Variants in PPFIA2 observed in about 807,000 individuals in gnomAD.
PPFIA2 encodes the protein liprin-alpha-2.
PPFIA2 carries 46 observed loss-of-function variants against 175.5 expected under a neutral mutation model. The ratio of observed to expected loss-of-function variants is 0.26; its 90% CI spans 0.21 to 0.34. PPFIA2 has a LOEUF of 0.34. Among genes scored for constraint, PPFIA2 ranks in the 10% least tolerant of loss-of-function variants. The pLI, the probability that PPFIA2 is intolerant of heterozygous loss-of-function variation, is 1.00. For missense variants in PPFIA2, 1,179 were observed against 1,506.1 expected, an observed-to-expected ratio of 0.78 and a Z score of 3.60; for synonymous variants, 568 against 511.4, an observed-to-expected ratio of 1.11 and a Z score of -1.49.
intron 9 of PPFIA2, 80 bp downstream of exon 9, chr12:81,383,943 T>C: frequency 1.7e-6 from 2 of 1,154,008 alleles, no homozygotes; most frequent in Non-Finnish European, 2.5e-6. Flanking sequence ...AAGTGTATGG[T>C]CATTACGGGA....
intron 4 of PPFIA2, among the ~76,000 whole-genome samples, chr12:81,578,527 G>T (rs1307948685): frequency 6.6e-6 from 1 of 151,662 alleles, no homozygotes; most frequent in African/African-American, 2.4e-5. Context: ...CTTTTAATGA[G>T]TTTATTTTAT....
chr12:81,652,847 A>G (rs931096401), intron 4 of PPFIA2, among the ~76,000 whole-genome samples: 55 of 152,078 alleles, frequency 3.6e-4, no homozygotes, highest in Non-Finnish European at 1.3e-4. Flanking sequence ...ACTAAAGAAC[A>G]TTGCCCTTTT....
chr12:81,603,173 C>T (rs2059959793), intron 4 of PPFIA2, among the ~76,000 whole-genome samples: 1 of 151,828 alleles, frequency 6.6e-6, no homozygotes, highest in South Asian at 2.1e-4. Flanking sequence ...AAGCCTCAAT[C>T]TCCTCACTTA....
chr12:81,456,234 T>C lies in PPFIA2; in HGVS notation c.405+1531A>G, dbSNP rs1303948714. Among the ~76,000 whole-genome samples, 4 of 151,892 alleles carry C rather than the reference T, an allele frequency of 2.6e-5. No homozygotes were observed. The East Asian group carries it at 7.7e-4, about 29-fold the overall frequency. ...AGTGTTAAGTTAAAAAAGTCAAGGG[T>C]AGGAAATATATAGAGAGGAAGACAG... On this transcript the variant is annotated intron_variant, in intron 5 of 32. Transcript: ENST00000549396.
At chr12:81,710,024 C>A (rs2077687605) in intron 3 of PPFIA2, among the ~76,000 whole-genome samples, 1 of 151,772 alleles carries the variant, frequency 6.6e-6, no homozygotes, top group African/African-American at 2.4e-5. Flanking sequence ...TATATAATTT[C>A]TTTTTTAATA....
At chr12:81,361,490 T>C (rs2141198587) in intron 15 of PPFIA2, among the ~76,000 whole-genome samples, 1 of 151,774 alleles carries the variant, frequency 6.6e-6, no homozygotes, top group East Asian at 1.9e-4. Context: ...CTTTGAGTGT[T>C]TTTATGCCTG....
intron 3 of PPFIA2, among the ~76,000 whole-genome samples, chr12:81,678,860 A>AT (rs1210815914): frequency 1.3e-5 from 2 of 151,722 alleles, no homozygotes; most frequent in Admixed American, 6.6e-5. Context: ...TTATATCGGC[A>AT]TTTTTTGGGT....
chr12:81,412,746 A>C (rs748262148), intron 7 of PPFIA2, among the ~76,000 whole-genome samples: 43 of 151,946 alleles, frequency 2.8e-4, no homozygotes, highest in Non-Finnish European at 4.1e-4. Context: ...AGGGCAAATA[A>C]TATCTACTTT....
chr12:81,644,812 G>A (rs1035886103), intron 4 of PPFIA2, among the ~76,000 whole-genome samples: 13 of 152,010 alleles, frequency 8.6e-5, no homozygotes, highest in Middle Eastern at 3.2e-3. Context: ...ATTTTAAGTC[G>A]CTAAATGAGC....
rs145253296 is a variant in PPFIA2 at position 81,422,788 on chromosome 12, A to T, written c.646-16885T>A. Among the ~76,000 whole-genome samples the T allele has an allele frequency of 3.9e-5, 6 of 152,240 alleles. No individual in the cohort carries two copies. In the East Asian group the frequency reaches 1.2e-3, roughly 30 times the overall value. The stretch of plus-strand genomic sequence containing the variant: ...ATTTGGGTGGGGACACAGCCAAATC[A>T]TATCACCACTCATTAGGCTCTACCT... On this transcript the variant is annotated intron_variant, in intron 7 of 32. Coordinates refer to ENST00000549396, the MANE Select transcript of PPFIA2 (RefSeq NM_003625.5).
chr12:81,384,819 C>T (rs1481468520), intron 8 of PPFIA2, among the ~76,000 whole-genome samples: 1 of 152,070 alleles, frequency 6.6e-6, no homozygotes, highest in Non-Finnish European at 1.5e-5. Flanking sequence ...TTCTATATTG[C>T]TATTAACATA....
chr12:81,646,456 T>C (rs2066092792), intron 4 of PPFIA2, among the ~76,000 whole-genome samples: 1 of 152,152 alleles, frequency 6.6e-6, no homozygotes, highest in Non-Finnish European at 1.5e-5. Context: ...CCTTTGCTCC[T>C]ACCATGAGAC....
chr12:81,751,464 A>G (rs912877194), intron 3 of PPFIA2, among the ~76,000 whole-genome samples: 1 of 151,980 alleles, frequency 6.6e-6, no homozygotes, highest in African/African-American at 2.4e-5. Flanking sequence ...TATCTTCAGA[A>G]AAATTTCAGA....
At chr12:81,605,437 G>C (rs1311587260) in intron 4 of PPFIA2, among the ~76,000 whole-genome samples, 1 of 151,568 alleles carries the variant, frequency 6.6e-6, no homozygotes, top group Admixed American at 6.6e-5. Flanking sequence ...GAGAGGAGGC[G>C]AGGGGAGGAA....
chr12:81,425,456 T>C (rs2046978679), intron 7 of PPFIA2, among the ~76,000 whole-genome samples: 1 of 152,220 alleles, frequency 6.6e-6, no homozygotes, highest in African/African-American at 2.4e-5. Context: ...GCGATTCTCC[T>C]GCCTCAGCCT....
intron 3 of PPFIA2, among the ~76,000 whole-genome samples, chr12:81,684,379 A>G (rs971338357): frequency 6.6e-6 from 1 of 152,090 alleles, no homozygotes; most frequent in African/African-American, 2.4e-5. Flanking sequence ...AACCTAAAGA[A>G]GGTGCAAGAA....
Position 81,262,067 on chromosome 12 carries a change from G to A in PPFIA2, c.3716-27C>T, listed in dbSNP as rs1287005577. On this transcript the variant is annotated intron_variant, in intron 31 of 32. Transcript: ENST00000549396. Reference sequence around the variant, plus strand: ...TGCAAATGGAGAAAAGGGCTTTAGAGGGACTTGGATGATTGAGTACAAGAT... The same window carrying A: ...TGCAAATGGAGAAAAGGGCTTTAGAAGGACTTGGATGATTGAGTACAAGAT... 8 of 1,479,678 alleles carry A rather than the reference G, an allele frequency of 5.4e-6. No individual in the cohort carries two copies. The East Asian group carries it at 1.6e-4, about 30-fold the overall frequency. The allele number at this position is 1,479,678 out of a possible 1,614,324, so 91.7% of individuals were successfully genotyped here.
intron 17 of PPFIA2, among the ~76,000 whole-genome samples, chr12:81,352,506 A>T (rs972714244): frequency 6.6e-6 from 1 of 151,558 alleles, no homozygotes; most frequent in African/African-American, 2.4e-5. Context: ...TGGAGCCAGG[A>T]AGAGAGCCTT....
intron 4 of PPFIA2, among the ~76,000 whole-genome samples, chr12:81,622,883 T>C (rs1042535338): frequency 6.6e-6 from 1 of 152,098 alleles, no homozygotes; most frequent in Non-Finnish European, 1.5e-5. Context: ...CAATTTGAAG[T>C]AGATTTTGTT....
Sources: gnomAD v4.1 joint callset for allele counts (sites outside exome capture counted in the v4.1 genomes callset) on GRCh38, gnomAD v4.1.1 for gene constraint, MANE v1.5 for transcripts, NCBI Gene and HGNC (gene_info 2026-07-23, HGNC 2026-07-21) for gene names.